Variants in GINM1 observed in about 807,000 individuals in gnomAD.
GINM1 encodes glycosylated integral membrane protein 1.
Under a neutral mutation model 37.8 loss-of-function variants are expected in GINM1, and 29 were observed. The observed-to-expected ratio is 0.77, with a 90% CI of 0.57 to 1.05. The LOEUF is 1.05. Ranked by LOEUF, GINM1 falls within the 50% of genes least tolerant of loss-of-function variation. The probability of loss-of-function intolerance (pLI) is 0.00; values close to 1 mark genes in which losing one functional copy is unlikely to be tolerated. For missense variants in GINM1, 377 were observed against 397.9 expected, an observed-to-expected ratio of 0.95 and a Z score of 0.45; for synonymous variants, 143 against 146.2, an observed-to-expected ratio of 0.98 and a Z score of 0.16.
chr6:149,588,865 G>A (rs1458042268), intron 7 of GINM1, among the ~76,000 whole-genome samples: 2 of 151,964 alleles, frequency 1.3e-5, no homozygotes, highest in African/African-American at 4.8e-5. Context: ...GTGCAGTGGT[G>A]TGATCTTGGC....
chr6:149,574,234 A>G (rs1020446535), intron 3 of GINM1, among the ~76,000 whole-genome samples: 2 of 151,790 alleles, frequency 1.3e-5, no homozygotes, highest in African/African-American at 2.4e-5. Flanking sequence ...TATTTTTAGT[A>G]GAGATGGGGT....
Position 149,580,625 on chromosome 6 carries a change from T to G in GINM1, c.619T>G (p.Tyr207Asp). 1 of 1,613,702 alleles carries G rather than the reference T, an allele frequency of 6.2e-7. No homozygotes were observed. Reference protein sequence around the residue: ...SVSSLQTTSQYLIRNVETTVD... With the variant: ...SVSSLQTTSQDLIRNVETTVD... The stretch of plus-strand genomic sequence containing the variant: ...TAGTTCACTGCAAACCACTAGCCAG[T>G]ATCTTATCAGGAATGTGGAAACCAC... Residue 207 changes from tyrosine to aspartate, a missense_variant, in exon 6 of 8, where the codon TAT becomes GAT. Transcript: ENST00000367419.
At chr6:149,585,602 A>T (rs1778058218) in intron 7 of GINM1, among the ~76,000 whole-genome samples, 1 of 151,688 alleles carries the variant, frequency 6.6e-6, no homozygotes, top group Admixed American at 6.6e-5. Flanking sequence ...TTATTTATTT[A>T]TTTATTTTGA....
chr6:149,568,127 C>T (rs370449433), intron 1 of GINM1, among the ~76,000 whole-genome samples: 1 of 152,216 alleles, frequency 6.6e-6, no homozygotes, highest in East Asian at 1.9e-4. Context: ...TCACATATTA[C>T]GCTGGGTGCA....
chr6:149,572,165 T>G (rs963308244), intron 1 of GINM1, 120 bp from the exon 2 acceptor site: 6 of 468,486 alleles, frequency 1.3e-5, no homozygotes, highest in African/African-American at 1.0e-4. Flanking sequence ...TCTTTTAAAC[T>G]CTCTTAATGC....
At chr6:149,579,745 A>G (rs1231820735) in intron 4 of GINM1, 89 bp from the exon 5 acceptor site, 13 of 716,224 alleles carry the variant, frequency 1.8e-5, no homozygotes, top group Admixed American at 3.2e-5. Context: ...TGTTTTAGTT[A>G]TATAAATCTG....
intron 3 of GINM1, among the ~76,000 whole-genome samples, chr6:149,575,335 T>TAAG (rs1777897979): frequency 6.6e-6 from 1 of 152,242 alleles, no homozygotes; most frequent in Non-Finnish European, 1.5e-5. Context: ...AAACATCTCT[T>TAAG]TGCCTTCATT....
chr6:149,570,133 G>GTT (rs766694690), intron 1 of GINM1, among the ~76,000 whole-genome samples: 7 of 68,642 alleles, frequency 1.0e-4, no homozygotes, highest in African/African-American at 4.4e-4. Flanking sequence ...TACTAGGTAG[G>GTT]TTTTATATAT....
chr6:149,587,688 C>G (rs1054515307), intron 7 of GINM1, among the ~76,000 whole-genome samples: 6 of 152,162 alleles, frequency 3.9e-5, no homozygotes, highest in Non-Finnish European at 8.8e-5. Context: ...GTTCAGCTAT[C>G]CAGAAGCTCT....
intron 6 of GINM1, among the ~76,000 whole-genome samples, chr6:149,581,609 T>C (rs1778003230): frequency 6.6e-6 from 1 of 152,228 alleles, no homozygotes; most frequent in Admixed American, 6.5e-5. Context: ...TTAAATAAGT[T>C]GGGTACTACA....
At chr6:149,571,312 CAAA>C (rs112300927) in intron 1 of GINM1, among the ~76,000 whole-genome samples, 3,719 of 73,020 alleles carry the variant, frequency 0.051, 134 homozygotes, top group African/African-American at 0.13. Context: ...GACTCCCTCT[CAAA>C]AAAAAAAAAA....
At chr6:149,588,550 C>A (rs996512582) in intron 7 of GINM1, among the ~76,000 whole-genome samples, 1 of 152,186 alleles carries the variant, frequency 6.6e-6, no homozygotes, top group Non-Finnish European at 1.5e-5. Flanking sequence ...TATTCCTTTA[C>A]AGCATGTAGG....
At position 149,572,333 on chromosome 6, in the gene GINM1, T is replaced by C. The variant is rs771172096; in HGVS notation, c.169T>C (p.Ser57Pro). The C allele has an allele frequency of 7.5e-6, 12 of 1,595,660 alleles. No individual in the cohort carries two copies. Among genetic ancestry groups the C allele is most frequent in the African/African-American group, 1.3e-5 (1 of 74,098 alleles). Residue 57 changes from serine to proline, a missense_variant, in exon 2 of 8, where the codon TCT (serine) becomes CCT (proline). Transcript: ENST00000367419. The stretch of plus-strand genomic sequence containing the variant: ...TACACTGAAAGATGATGGGGACATA[T>C]CTAAACAGCAGGTTTGTCTCCTTTT... ...VTTLKDDGDI[S>P]KQQVVLNITY...
intron 1 of GINM1, among the ~76,000 whole-genome samples, chr6:149,572,029 C>G (rs1777831293): frequency 6.6e-6 from 1 of 151,590 alleles, no homozygotes; most frequent in African/African-American, 2.4e-5. Flanking sequence ...TGCAGTGAGC[C>G]CAGATTGCGG....
At chr6:149,572,388 C>T (rs1325657146) in intron 2 of GINM1, 44 bp downstream of exon 2, 2 of 1,373,718 alleles carry the variant, frequency 1.5e-6, no homozygotes, top group Admixed American at 2.1e-5. Flanking sequence ...TAGCTAAGTG[C>T]TATGCAGCTT....
Position 149,580,676 on chromosome 6 carries a change from A to G in GINM1, c.670A>G (p.Lys224Glu), listed in dbSNP as rs1351916019. ...TTVDEDVLPGKLPETPLRAEP... is the reference protein window; with the variant it reads ...TTVDEDVLPGELPETPLRAEP... Reference sequence around the variant, plus strand: ...TGTAGATGAAGATGTTTTACCTGGCAAGTTACCTGAAACTCCTCTCAGAGC... The same window carrying G: ...TGTAGATGAAGATGTTTTACCTGGCGAGTTACCTGAAACTCCTCTCAGAGC... Residue 224 changes from lysine (K) to glutamate (E), a missense_variant, in exon 6 of 8, where the codon AAG becomes GAG. Lys to Glu is a moderately conservative substitution (Grantham distance 56, BLOSUM62 1). Transcript: ENST00000367419. 4.3e-6 allele frequency: 7 copies of G among 1,613,962 alleles called. No homozygotes were observed. The highest frequency in any genetic ancestry group is 5.9e-6 in the Non-Finnish European group (7 of 1,179,864).
In GINM1 at chr6:149,578,914, G is replaced by C. The variant is rs756233383; in HGVS notation, c.370G>C (p.Gly124Arg). ...ILVHEWPMTS[G>R]SSLQLIVIQE... ...AGTTCATGAGTGGCCTATGACATCT[G>C]GTTCCAGTTTGCAACTAATTGTCAT... Residue 124 changes from glycine (G) to arginine (R), a missense_variant, in exon 4 of 8, where the codon GGT becomes CGT. Gly to Arg is a moderately radical substitution (Grantham distance 125). Coordinates refer to ENST00000367419, the MANE Select transcript of GINM1 (RefSeq NM_138785.5). The C allele has an allele frequency of 1.2e-6, 2 of 1,605,422 alleles. No homozygotes were observed. The highest frequency in any genetic ancestry group is 4.5e-5 in the East Asian group (2 of 44,746).
chr6:149,583,676 A>G (rs1036058351), intron 7 of GINM1, among the ~76,000 whole-genome samples: 7 of 151,752 alleles, frequency 4.6e-5, no homozygotes, highest in South Asian at 2.1e-4. Context: ...TCTTAACTGT[A>G]TATCAGTGAG....
At chr6:149,585,613 G>A (rs1337870939) in intron 7 of GINM1, among the ~76,000 whole-genome samples, 2 of 151,630 alleles carry the variant, frequency 1.3e-5, no homozygotes, top group Non-Finnish European at 2.9e-5. Flanking sequence ...TTTATTTTGA[G>A]ACAGAGTCTC....
Sources: gnomAD v4.1 joint callset for allele counts (sites outside exome capture counted in the v4.1 genomes callset) on GRCh38, gnomAD v4.1.1 for gene constraint, MANE v1.5 for transcripts, NCBI Gene and HGNC (gene_info 2026-07-23, HGNC 2026-07-21) for gene names.